Variants in ELP4 observed in about 807,000 individuals in gnomAD.
ELP4 encodes elongator complex protein 4.
Under a neutral mutation model 48.9 loss-of-function variants are expected in ELP4, and 51 were observed. The observed-to-expected ratio is 1.04, with a 90% confidence interval of 0.83 to 1.32. The LOEUF is 1.32. ELP4 is among the 40% of genes most tolerant of loss of function. The pLI is 0.00. For missense variants in ELP4, 519 were observed against 514.6 expected, an observed-to-expected ratio of 1.01 and a Z score of -0.08; for synonymous variants, 210 against 189.2, an observed-to-expected ratio of 1.11 and a Z score of -0.90.
At chr11:31,514,461 AAAG>A (rs945631662) in intron 1 of ELP4, among the ~76,000 whole-genome samples, 2 of 152,190 alleles carry the variant, frequency 1.3e-5, no homozygotes, top group East Asian at 1.9e-4. Flanking sequence ...CATCTCAAAA[AAAG>A]AAGAATTTAT....
chr11:31,701,340 T>C (rs1208813453), intron 9 of ELP4, among the ~76,000 whole-genome samples: 1 of 152,158 alleles, frequency 6.6e-6, no homozygotes, highest in Non-Finnish European at 1.5e-5. Context: ...TAAATGGGAT[T>C]TTGATAAGCT....
At chr11:31,600,962 A>G (rs1325621753) in intron 4 of ELP4, among the ~76,000 whole-genome samples, 2 of 152,124 alleles carry the variant, frequency 1.3e-5, no homozygotes, top group African/African-American at 2.4e-5. Flanking sequence ...TTACTGAACC[A>G]TTTCATTTTA....
At chr11:31,700,920 G>A (rs1012890837) in intron 9 of ELP4, among the ~76,000 whole-genome samples, 1 of 151,982 alleles carries the variant, frequency 6.6e-6, no homozygotes, top group Non-Finnish European at 1.5e-5. Context: ...ATGTGAGAGT[G>A]AGTAGATTTC....
At chr11:31,754,369 CT>C (rs1159005056) in intron 9 of ELP4, among the ~76,000 whole-genome samples, 4 of 152,230 alleles carry the variant, frequency 2.6e-5, no homozygotes, top group South Asian at 2.1e-4. Context: ...CACTTTCCCC[CT>C]AGCCCACCGA....
At chr11:31,514,717 A>G (rs1956075323) in intron 1 of ELP4, among the ~76,000 whole-genome samples, 1 of 152,194 alleles carries the variant, frequency 6.6e-6, no homozygotes, top group Non-Finnish European at 1.5e-5. Context: ...AAAATTACTA[A>G]TGGATTACTA....
intron 9 of ELP4, among the ~76,000 whole-genome samples, chr11:31,675,419 C>T (rs1292931966): frequency 6.6e-6 from 1 of 152,072 alleles, no homozygotes; most frequent in Non-Finnish European, 1.5e-5. Context: ...CATGTACCAC[C>T]ACGCCTGGCT....
intron 7 of ELP4, chr11:31,633,394 G>A (rs1031573348): frequency 6.6e-6 from 1 of 151,998 alleles, no homozygotes; most frequent in Non-Finnish European, 1.5e-5. Flanking sequence ...TTCAGCCAGG[G>A]TAACATAGCA....
At chr11:31,781,488 C>CA (rs1948375805) in intron 9 of ELP4, among the ~76,000 whole-genome samples, 1 of 67,414 alleles carries the variant, frequency 1.5e-5, no homozygotes, top group African/African-American at 7.0e-5. Flanking sequence ...ATTCCTGAGC[C>CA]TTTTTTTTTT....
intron 9 of ELP4, among the ~76,000 whole-genome samples, chr11:31,742,607 A>G (rs970522109): frequency 6.6e-6 from 1 of 152,234 alleles, no homozygotes; most frequent in Non-Finnish European, 1.5e-5. Flanking sequence ...AACTTTCTTA[A>G]AGAAAAGAAT....
chr11:31,682,435 A>G (rs920813732), intron 9 of ELP4, among the ~76,000 whole-genome samples: 1 of 152,180 alleles, frequency 6.6e-6, no homozygotes, highest in African/African-American at 2.4e-5. Flanking sequence ...TCTCACATAC[A>G]TATTCAGAGT....
intron 9 of ELP4, among the ~76,000 whole-genome samples, chr11:31,686,868 CA>C (rs35123055): frequency 1.7e-3 from 237 of 136,038 alleles, no homozygotes; most frequent in Middle Eastern, 3.8e-3. Flanking sequence ...GACCCTGCTT[CA>C]AAAAAAAAAA....
rs372209718 is a variant in ELP4 at position 31,509,815 on chromosome 11, G to A, written c.31G>A (p.Ala11Thr). 1.4e-5 allele frequency: 22 copies of A among 1,614,024 alleles called. No homozygotes were observed. The highest frequency in any genetic ancestry group is 1.3e-4 in the East Asian group (6 of 44,896). The stretch of plus-strand genomic sequence containing the variant: ...GGCAGTGGCAACCTGCGGTAGTGTT[G>A]CCGCGAGTACTGGGTCTGCAGTGGC... MAAVATCGSVAASTGSAVATA... is the reference protein window; with the variant it reads MAAVATCGSVTASTGSAVATA... Residue 11 changes from alanine (A) to threonine (T), a missense_variant, in exon 1 of 10, where the codon GCC becomes ACC. Coordinates refer to ENST00000640961, the MANE Select transcript of ELP4 (RefSeq NM_019040.5).
intron 2 of ELP4, among the ~76,000 whole-genome samples, chr11:31,525,908 A>G (rs1270807299): frequency 1.3e-5 from 2 of 152,126 alleles, no homozygotes; most frequent in African/African-American, 4.8e-5. Flanking sequence ...TTTTATCTCT[A>G]TAATACTCCG....
intron 2 of ELP4, among the ~76,000 whole-genome samples, chr11:31,521,254 C>A (rs1248101752): frequency 2.6e-5 from 4 of 151,034 alleles, no homozygotes; most frequent in Non-Finnish European, 4.4e-5. Context: ...TTAACTCTTA[C>A]TGTTGGTCAT....
At chr11:31,729,285 T>C (rs890395592) in intron 9 of ELP4, among the ~76,000 whole-genome samples, 5 of 152,226 alleles carry the variant, frequency 3.3e-5, no homozygotes, top group African/African-American at 1.2e-4. Context: ...CAAAGCTCTA[T>C]GGTCTCTGAA....
At chr11:31,522,111 A>C (rs1956223327) in intron 2 of ELP4, among the ~76,000 whole-genome samples, 1 of 152,198 alleles carries the variant, frequency 6.6e-6, no homozygotes, top group Non-Finnish European at 1.5e-5. Flanking sequence ...GTACTGTTTA[A>C]GACAGAATTA....
chr11:31,783,301 T>C (rs1299832839), intron 9 of ELP4, 92 bp from the exon 10 acceptor site: 5 of 1,151,336 alleles, frequency 4.3e-6, no homozygotes, highest in Non-Finnish European at 6.3e-6. Context: ...CAACAGAGCA[T>C]AATATTGTAA....
intron 4 of ELP4, among the ~76,000 whole-genome samples, chr11:31,596,518 C>G (rs1191635493): frequency 6.6e-6 from 1 of 152,166 alleles, no homozygotes; most frequent in Non-Finnish European, 1.5e-5. Flanking sequence ...TTTATTTTCT[C>G]TTGTACCTCC....
chr11:31,576,148 C>T (rs1395581489), intron 3 of ELP4, among the ~76,000 whole-genome samples: 1 of 152,150 alleles, frequency 6.6e-6, no homozygotes, highest in African/African-American at 2.4e-5. Context: ...ATCCTAGTCT[C>T]TGATAAAACA....
Sources: gnomAD v4.1 joint callset for allele counts (sites outside exome capture counted in the v4.1 genomes callset) on GRCh38, gnomAD v4.1.1 for gene constraint, MANE v1.5 for transcripts, NCBI Gene and HGNC (gene_info 2026-07-23, HGNC 2026-07-21) for gene names.